UPF2: variants seen among roughly 807,000 people sequenced by gnomAD.
UPF2 encodes the protein UPF2 regulator of nonsense mediated mRNA decay.
Under a neutral mutation model 141.4 loss-of-function variants are expected in UPF2, and 17 were observed. That is an observed-to-expected ratio of 0.12 (90% CI 0.08 to 0.18). The LOEUF is 0.18. UPF2 is among the 10% of genes least tolerant of loss of function. The pLI is 1.00. For synonymous variants in UPF2, 540 were observed against 498.0 expected (o/e 1.08, Z -1.12); for missense variants, 1,152 against 1,515.9 (o/e 0.76, Z 3.99).
In UPF2 at chr10:12,028,865, T is replaced by A; in HGVS notation, c.1025A>T (p.Glu342Val). 6.2e-7 allele frequency: 1 copy of A among 1,614,168 alleles called. No homozygotes were observed. Among genetic ancestry groups the A allele is most frequent in the South Asian group, 1.1e-5 (1 of 91,086 alleles). ...CTGTTGTTTCTCTGGACTAATTATC[T>A]CACTAGGAGGAAAACTCAAATTAAA... ...EKFNLSFPPSEIISPEKQQPF... is the reference protein window; with the variant it reads ...EKFNLSFPPSVIISPEKQQPF... The change falls in exon 3 of 22, where the codon GAG becomes GTG. Residue 342 changes from glutamate (E) to valine (V), a missense_variant. Around this residue, in one of 4 missense-constraint regions of UPF2, gnomAD observed 739 missense variants for 1,032.2 expected, o/e 0.72. Coordinates refer to ENST00000357604, the MANE Select transcript of UPF2 (RefSeq NM_015542.4).
At chr10:11,937,936 A>T (rs1412148470) in intron 18 of UPF2, among the ~76,000 whole-genome samples, 1 of 152,186 alleles carries the variant, frequency 6.6e-6, no homozygotes. Flanking sequence ...TTTCTCCTTG[A>T]TTATAAAATT....
In UPF2 at chr10:11,929,996, G is replaced by T; in HGVS notation, c.3689-11C>A. The T allele has an allele frequency of 6.2e-7, 1 of 1,609,692 alleles. No individual in the cohort carries two copies. Among genetic ancestry groups the T allele is most frequent in the Non-Finnish European group, 8.5e-7 (1 of 1,178,798 alleles). ...GAGACTGCAACATTTCTGTAATTAGGAGCAAAAAAAGAGAATGCTGTTAAC... is the reference window on the plus strand; with the variant it reads ...GAGACTGCAACATTTCTGTAATTAGTAGCAAAAAAAGAGAATGCTGTTAAC... On this transcript the variant is annotated splice_polypyrimidine_tract_variant and intron_variant, in intron 20 of 21. Coordinates refer to ENST00000357604, the MANE Select transcript of UPF2 (RefSeq NM_015542.4).
At chr10:12,024,542 G>A (rs570151497) in intron 3 of UPF2, among the ~76,000 whole-genome samples, 17 of 152,068 alleles carry the variant, frequency 1.1e-4, no homozygotes, top group African/African-American at 3.1e-4. Context: ...CCCAGGAGGC[G>A]GAGGTTGCAG....
At chr10:11,926,613 G>C (rs1286840390) in intron 21 of UPF2, among the ~76,000 whole-genome samples, 1 of 152,258 alleles carries the variant, frequency 6.6e-6, no homozygotes, top group African/African-American at 2.4e-5. Context: ...AATGCAAAGT[G>C]CTGCTGAGAT....
intron 7 of UPF2, among the ~76,000 whole-genome samples, 184 bp from the exon 8 acceptor site, chr10:11,997,941 A>G (rs567677318): frequency 1.3e-5 from 2 of 152,340 alleles, no homozygotes; most frequent in Admixed American, 6.5e-5. Context: ...AGTTACCAAG[A>G]GCCAAGAAAA....
intron 19 of UPF2, among the ~76,000 whole-genome samples, chr10:11,934,621 G>A (rs1055961273): frequency 2.0e-5 from 3 of 152,154 alleles, no homozygotes; most frequent in Admixed American, 6.5e-5. Flanking sequence ...ACGGAGTCTC[G>A]TTCTGTCGCC....
At chr10:11,997,575 A>G in intron 8 of UPF2, 97 bp downstream of exon 8, 1 of 1,102,600 alleles carries the variant, frequency 9.1e-7, no homozygotes, top group South Asian at 1.5e-5. Context: ...GAGTGAATAA[A>G]ATCAAAAGCA....
At position 11,942,668 on chromosome 10, in the gene UPF2, T is replaced by C. The variant is rs1020321739; in HGVS notation, c.3375A>G (p.Leu1125=). The C allele has an allele frequency of 1.9e-6, 3 of 1,613,178 alleles. No individual in the cohort carries two copies. In the African/African-American group the frequency reaches 4.0e-5, roughly 22 times the overall value. The stretch of plus-strand genomic sequence containing the variant: ...TGAAACAAATGACATTTAATACCTG[T>C]AGATTTTCTAGCATCATTTTATCCA... ...QALDKMMLEN[L]QQRSGESVKV... Residue 1125 remains leucine, a synonymous_variant, in exon 18 of 22, where the codon CTA becomes CTG. Coordinates refer to ENST00000357604, the MANE Select transcript of UPF2 (RefSeq NM_015542.4).
At chr10:11,937,345 A>G (rs1832865971) in intron 18 of UPF2, among the ~76,000 whole-genome samples, 1 of 152,250 alleles carries the variant, frequency 6.6e-6, no homozygotes, top group South Asian at 2.1e-4. Context: ...CAAAGAGCTC[A>G]TAAGCTTGTT....
At chr10:11,973,361 T>C (rs1833452535) in intron 9 of UPF2, among the ~76,000 whole-genome samples, 1 of 152,344 alleles carries the variant, frequency 6.6e-6, no homozygotes, top group South Asian at 2.1e-4. Context: ...GGTAGTTTCT[T>C]TTGCTGTGCA....
intron 8 of UPF2, among the ~76,000 whole-genome samples, chr10:11,984,297 G>A (rs192974107): frequency 6.6e-6 from 1 of 152,322 alleles, no homozygotes; most frequent in African/African-American, 2.4e-5. Context: ...TTTTGAAAAT[G>A]TGTATATTTT....
intron 14 of UPF2, 62 bp downstream of exon 14, chr10:11,955,170 A>C (rs892511002): frequency 3.5e-6 from 5 of 1,446,014 alleles, no homozygotes; most frequent in Non-Finnish European, 4.6e-6. Flanking sequence ...CTCTCATAGT[A>C]TTCTTTTAAA....
chr10:11,959,507 C>T lies in UPF2; in HGVS notation c.2185-151G>A. On this transcript the variant is annotated intron_variant, in intron 11 of 21. Coordinates refer to ENST00000357604, the MANE Select transcript of UPF2 (RefSeq NM_015542.4). The surrounding 1 kb of genome is among the most constrained non-coding windows in gnomAD (Gnocchi z 5.9). ...GGGCACTGTGGCTCACACCTATAAT[C>T]CCAGCACTTTGGGAGACTGAGATTG... The T allele has an allele frequency of 2.6e-6, 2 of 768,742 alleles. No homozygotes were observed. The highest frequency in any genetic ancestry group is 3.8e-6 in the Non-Finnish European group (2 of 519,670). 47.6% of individuals were successfully genotyped at this position (768,742 alleles called of 1,614,324 possible). A position where few individuals can be genotyped will look rare whatever the true frequency, so the allele number is the denominator to read the frequency against.
Position 12,028,874 on chromosome 10 carries a change from G to A in UPF2, c.1016C>T (p.Pro339Leu). 1 of 1,614,090 alleles carries A rather than the reference G, an allele frequency of 6.2e-7. No individual in the cohort carries two copies. Among genetic ancestry groups the A allele is most frequent in the East Asian group, 2.2e-5 (1 of 44,874 alleles). ...SAAEKFNLSF[P>L]PSEIISPEKQ... Reference sequence around the variant, plus strand: ...CTCTGGACTAATTATCTCACTAGGAGGAAAACTCAAATTAAACTTCTCTGC... The same window carrying A: ...CTCTGGACTAATTATCTCACTAGGAAGAAAACTCAAATTAAACTTCTCTGC... Residue 339 changes from proline (P) to leucine (L), a missense_variant, in exon 3 of 22, where the codon CCT becomes CTT. Coordinates refer to ENST00000357604, the MANE Select transcript of UPF2 (RefSeq NM_015542.4).
chr10:11,925,727 G>A (rs915067575), intron 21 of UPF2, among the ~76,000 whole-genome samples: 3 of 152,190 alleles, frequency 2.0e-5, no homozygotes, highest in Non-Finnish European at 4.4e-5. Flanking sequence ...AGTTCTCCAG[G>A]GGAACAGCTG....
intron 21 of UPF2, among the ~76,000 whole-genome samples, chr10:11,928,448 G>A (rs1451130642): frequency 1.3e-5 from 2 of 152,098 alleles, no homozygotes; most frequent in African/African-American, 2.4e-5. Flanking sequence ...AGTGGCTCAC[G>A]CCTGTAATCC....
intron 16 of UPF2, among the ~76,000 whole-genome samples, chr10:11,945,472 G>C (rs747963935): frequency 6.6e-6 from 1 of 152,202 alleles, no homozygotes; most frequent in Non-Finnish European, 1.5e-5. Context: ...GAAAGGAGAA[G>C]TGAACTATTC....
intron 2 of UPF2, among the ~76,000 whole-genome samples, chr10:12,030,969 T>A (rs1366332438): frequency 1.3e-5 from 2 of 151,294 alleles, no homozygotes; most frequent in Non-Finnish European, 2.9e-5. Flanking sequence ...GGTTAGGAGA[T>A]CGAGACCATC....
intron 3 of UPF2, among the ~76,000 whole-genome samples, chr10:12,026,404 G>GTC (rs1243025702): frequency 6.6e-6 from 1 of 152,174 alleles, no homozygotes. Context: ...GTAGTGAAGT[G>GTC]TCTGGAAATC....
Sources: allele counts gnomAD v4.1 joint callset (sites outside exome capture counted in the v4.1 genomes callset), GRCh38; gene constraint gnomAD v4.1.1; regional missense constraint gnomAD v4.1.1; non-coding constraint Gnocchi (gnomAD v3.1); transcripts MANE v1.5; gene names NCBI Gene and HGNC (gene_info 2026-07-23, HGNC 2026-07-21).